Variants in MED27 observed in about 807,000 individuals in gnomAD.
MED27 encodes the protein mediator of RNA polymerase II transcription subunit 27.
A neutral mutation model predicts 38.2 loss-of-function variants in MED27; 30 were observed. The ratio of observed to expected loss-of-function variants is 0.79; its 90% CI spans 0.59 to 1.07. The LOEUF (loss-of-function observed/expected upper bound fraction) is 1.07, where lower values mean the gene tolerates loss of function less well. MED27 is among the 50% of genes least tolerant of loss of function. The pLI, the probability that MED27 is intolerant of heterozygous loss-of-function variation, is 0.00. For synonymous variants in MED27, 122 were observed against 153.5 expected (o/e 0.79, Z 1.52); for missense variants, 289 against 397.5 (o/e 0.73, Z 2.32).
intron 2 of MED27, among the ~76,000 whole-genome samples, chr9:132,034,645 C>T (rs1343996800): frequency 6.6e-6 from 1 of 152,144 alleles, no homozygotes; most frequent in African/African-American, 2.4e-5. Context: ...AAGCCACGCC[C>T]TCCTGTCTCC....
chr9:131,928,131 G>A (rs910657555), intron 4 of MED27, among the ~76,000 whole-genome samples: 3 of 152,206 alleles, frequency 2.0e-5, no homozygotes, highest in African/African-American at 7.2e-5. Flanking sequence ...TTTAACAGGA[G>A]CCGCTCTGGA....
chr9:131,977,703 G>A (rs1831638888), intron 3 of MED27, among the ~76,000 whole-genome samples: 1 of 152,240 alleles, frequency 6.6e-6, no homozygotes, highest in South Asian at 2.1e-4. Context: ...AAAATGAATG[G>A]TCCTAGCCAA....
intron 3 of MED27, among the ~76,000 whole-genome samples, chr9:131,993,589 G>A (rs1832025955): frequency 6.6e-6 from 1 of 152,208 alleles, no homozygotes; most frequent in Admixed American, 6.5e-5. Flanking sequence ...GGGCACATGG[G>A]GAGCAGGTAA....
At chr9:132,004,114 G>A (rs1832301785) in intron 3 of MED27, among the ~76,000 whole-genome samples, 1 of 152,206 alleles carries the variant, frequency 6.6e-6, no homozygotes, top group Admixed American at 6.5e-5. Flanking sequence ...GGACGCAGCA[G>A]GGGAGCGAAT....
At chr9:131,898,604 T>C (rs1486529541) in intron 4 of MED27, among the ~76,000 whole-genome samples, 4 of 151,994 alleles carry the variant, frequency 2.6e-5, no homozygotes, top group Admixed American at 6.6e-5. Context: ...ATTTTTTTTT[T>C]TTTGAGATAG....
chr9:132,043,742 C>G (rs986064314), intron 2 of MED27, among the ~76,000 whole-genome samples: 4 of 152,004 alleles, frequency 2.6e-5, no homozygotes, highest in African/African-American at 9.7e-5. Flanking sequence ...GGCAAAAGAA[C>G]CAAAGCTCTA....
At chr9:131,924,309 C>T (rs1358743804) in intron 4 of MED27, among the ~76,000 whole-genome samples, 4 of 151,980 alleles carry the variant, frequency 2.6e-5, no homozygotes, top group African/African-American at 9.7e-5. Flanking sequence ...AATTTTAATT[C>T]GCATTTCCCT....
chr9:132,079,156 G>A (rs1834119340), intron 1 of MED27, among the ~76,000 whole-genome samples: 1 of 152,154 alleles, frequency 6.6e-6, no homozygotes, highest in African/African-American at 2.4e-5. Context: ...TGGCCGGTCC[G>A]TCGTGGTTGC....
chr9:131,900,219 T>G lies in MED27; in HGVS notation c.574-6227A>C, dbSNP rs573847202. 3.2e-4 allele frequency among the ~76,000 whole-genome samples: 49 copies of G among 152,284 alleles called. 2 individuals carry two copies. Among genetic ancestry groups the G allele is most frequent in the African/African-American group, 1.0e-3 (43 of 41,554 alleles). ...GAAGTGCATTTATAAAACCTGCCCC[T>G]GCCTAGCCCCCCCATCAGGTCAGCT... On this transcript the variant is annotated intron_variant, in intron 4 of 7. Coordinates refer to ENST00000292035, the MANE Select transcript of MED27 (RefSeq NM_004269.4).
At chr9:132,010,885 G>A (rs1206952063) in intron 3 of MED27, among the ~76,000 whole-genome samples, 1 of 152,106 alleles carries the variant, frequency 6.6e-6, no homozygotes, top group Non-Finnish European at 1.5e-5. Flanking sequence ...CCTGTTGTGG[G>A]GTGGGCGAAG....
At chr9:131,869,084 G>A (rs891131089) in intron 6 of MED27, 5 of 985,298 alleles carry the variant, frequency 5.1e-6, no homozygotes, top group Admixed American at 1.2e-4. Context: ...CCAAGTGCTG[G>A]CAGCTTTTTC....
At chr9:131,942,246 T>C (rs572038754) in intron 3 of MED27, among the ~76,000 whole-genome samples, 1 of 152,232 alleles carries the variant, frequency 6.6e-6, no homozygotes, top group East Asian at 1.9e-4. Flanking sequence ...CAACCTTGGA[T>C]CTAAGCTTAA....
intron 6 of MED27, chr9:131,869,460 T>C: frequency 2.1e-6 from 2 of 957,980 alleles, no homozygotes; most frequent in Non-Finnish European, 2.5e-6. Flanking sequence ...TTCGGTCCCA[T>C]TGTGCGGCAA....
chr9:132,071,748 A>G (rs1366667991), intron 2 of MED27, among the ~76,000 whole-genome samples: 1 of 151,762 alleles, frequency 6.6e-6, no homozygotes, highest in Non-Finnish European at 1.5e-5. Context: ...ACGTCCATGA[A>G]CGAGCACACA....
chr9:132,006,675 A>G (rs1275884635), intron 3 of MED27, among the ~76,000 whole-genome samples: 1 of 152,174 alleles, frequency 6.6e-6, no homozygotes, highest in East Asian at 1.9e-4. Flanking sequence ...ACCTTAAAAA[A>G]GGTCTCAAAA....
At chr9:132,039,659 G>A (rs1200917754) in intron 2 of MED27, among the ~76,000 whole-genome samples, 1 of 151,848 alleles carries the variant, frequency 6.6e-6, no homozygotes, top group Non-Finnish European at 1.5e-5. Context: ...CTACTTCAAA[G>A]GAGAGTGAGT....
chr9:131,992,921 G>A (rs1832008375), intron 3 of MED27, among the ~76,000 whole-genome samples: 1 of 152,092 alleles, frequency 6.6e-6, no homozygotes, highest in African/African-American at 2.4e-5. Context: ...CACAAACACG[G>A]TACTCTCATT....
intron 4 of MED27, among the ~76,000 whole-genome samples, chr9:131,914,745 T>A (rs1830258475): frequency 6.6e-6 from 1 of 152,212 alleles, no homozygotes; most frequent in Admixed American, 6.5e-5. Context: ...CTAGCTGCTG[T>A]GCAGATTACA....
intron 4 of MED27, among the ~76,000 whole-genome samples, chr9:131,915,367 A>G (rs1322255938): frequency 6.6e-6 from 1 of 152,250 alleles, no homozygotes; most frequent in Non-Finnish European, 1.5e-5. Flanking sequence ...AGAACTGGAC[A>G]TAGATGGATG....
Sources: allele counts gnomAD v4.1 joint callset (sites outside exome capture counted in the v4.1 genomes callset), GRCh38; gene constraint gnomAD v4.1.1; transcripts MANE v1.5; gene names NCBI Gene and HGNC (gene_info 2026-07-23, HGNC 2026-07-21).